The following TSPAN18 variants were observed in gnomAD, a reference collection of about 807,000 sequenced individuals.
The protein encoded by TSPAN18 is tetraspanin-18.
TSPAN18 carries 14 observed loss-of-function variants against 27.3 expected under a neutral mutation model. The ratio of observed to expected loss-of-function variants is 0.51; its 90% CI spans 0.34 to 0.80. The LOEUF is 0.80. Ranked by LOEUF, TSPAN18 falls within the 30% of genes least tolerant of loss-of-function variation. TSPAN18 has a pLI of 0.01. For synonymous variants in TSPAN18, 143 were observed against 136.5 expected, an observed-to-expected ratio of 1.05 and a Z score of -0.33; for missense variants, 268 against 323.9, an observed-to-expected ratio of 0.83 and a Z score of 1.32.
intron 8 of TSPAN18, among the ~76,000 whole-genome samples, chr11:44,924,976 A>C (rs1485294085): frequency 6.6e-6 from 1 of 152,158 alleles, no homozygotes; most frequent in African/African-American, 2.4e-5. Flanking sequence ...GGCCTCACTG[A>C]ATGGAGGGCC....
At chr11:44,748,319 AC>A (rs940755683) in intron 1 of TSPAN18, among the ~76,000 whole-genome samples, 1 of 151,908 alleles carries the variant, frequency 6.6e-6, no homozygotes, top group African/African-American at 2.4e-5. Flanking sequence ...AATTTCCTGA[AC>A]CCCAGAGGCG....
intron 3 of TSPAN18, chr11:44,903,638 G>A: frequency 2.2e-6 from 1 of 456,656 alleles, no homozygotes; most frequent in Non-Finnish European, 4.4e-6. Context: ...CAGGGCTGAG[G>A]CTGGAGATGT....
intron 1 of TSPAN18, among the ~76,000 whole-genome samples, chr11:44,757,879 AT>A (rs1437582359): frequency 5.3e-5 from 8 of 152,068 alleles, no homozygotes; most frequent in African/African-American, 1.9e-4. Context: ...TCTTTGTGAG[AT>A]ATATGATTTG....
intron 3 of TSPAN18, among the ~76,000 whole-genome samples, chr11:44,894,113 G>T (rs933072852): frequency 2.0e-5 from 3 of 152,212 alleles, no homozygotes; most frequent in Non-Finnish European, 4.4e-5. Context: ...GGAACGGGGT[G>T]TGCAGCCTGT....
intron 3 of TSPAN18, among the ~76,000 whole-genome samples, chr11:44,868,118 G>A (rs1474241167): frequency 6.6e-6 from 1 of 152,116 alleles, no homozygotes; most frequent in African/African-American, 2.4e-5. Context: ...GAGGCCGGGT[G>A]CAGCGTGGAT....
chr11:44,924,757 G>A (rs541358513), intron 8 of TSPAN18, among the ~76,000 whole-genome samples: 1 of 150,610 alleles, frequency 6.6e-6, no homozygotes, highest in African/African-American at 2.4e-5. Flanking sequence ...CACATGGGAG[G>A]GGGGAGGGAT....
At chr11:44,783,776 C>T (rs539935686) in intron 2 of TSPAN18, among the ~76,000 whole-genome samples, 1 of 152,312 alleles carries the variant, frequency 6.6e-6, no homozygotes, top group African/African-American at 2.4e-5. Context: ...CGCCCCTCTG[C>T]CCATCAATGT....
intron 2 of TSPAN18, among the ~76,000 whole-genome samples, chr11:44,797,844 C>CGT (rs1856384986): frequency 6.6e-6 from 1 of 152,142 alleles, no homozygotes; most frequent in Non-Finnish European, 1.5e-5. Context: ...AAGTGGGTGA[C>CGT]ATAGAGCACT....
At position 44,929,128 on chromosome 11, in the gene TSPAN18, C is replaced by T; in HGVS notation, c.700-3C>T. ...AGTTCCTGCTCTTTTTCTTTTTTTG[C>T]AGCTTTTCGCCATGATCTTTGCCAT... is the stretch of plus-strand genomic sequence containing the variant. On this transcript the variant is annotated splice_region_variant and splice_polypyrimidine_tract_variant and intron_variant, in intron 9 of 9. Transcript: ENST00000520358. 1.2e-6 allele frequency: 2 copies of T among 1,613,142 alleles called. No individual in the cohort carries two copies. The highest frequency in any genetic ancestry group is 1.7e-6 in the Non-Finnish European group (2 of 1,179,968).
At chr11:44,761,986 T>A (rs1415149653) in intron 1 of TSPAN18, among the ~76,000 whole-genome samples, 2 of 152,192 alleles carry the variant, frequency 1.3e-5, no homozygotes, top group Non-Finnish European at 2.9e-5. Context: ...GGCAGAACCC[T>A]GGGTTCAAGT....
At chr11:44,861,670 G>A (rs1480428000) in intron 3 of TSPAN18, among the ~76,000 whole-genome samples, 1 of 151,878 alleles carries the variant, frequency 6.6e-6, no homozygotes, top group Non-Finnish European at 1.5e-5. Flanking sequence ...AGTCGGGGGC[G>A]ATGAAGCACC....
chr11:44,929,113 C>T lies in TSPAN18; in HGVS notation c.700-18C>T, dbSNP rs11820442. On this transcript the variant is annotated intron_variant, in intron 9 of 9. Coordinates refer to ENST00000520358, the MANE Select transcript of TSPAN18 (RefSeq NM_130783.5). ...CCAGCCTGATAAGCCAGTTCCTGCTCTTTTTCTTTTTTTGCAGCTTTTCGC... is the reference window on the plus strand; with the variant it reads ...CCAGCCTGATAAGCCAGTTCCTGCTTTTTTTCTTTTTTTGCAGCTTTTCGC... 0.012 allele frequency: 18,895 copies of T among 1,613,014 alleles called. 1,786 individuals are homozygous for T. The African/African-American group carries it at 0.21, about 18-fold the overall frequency.
At chr11:44,893,304 AG>A (rs1449571764) in intron 3 of TSPAN18, among the ~76,000 whole-genome samples, 3 of 152,218 alleles carry the variant, frequency 2.0e-5, no homozygotes, top group African/African-American at 7.2e-5. Flanking sequence ...GCTGTCATTT[AG>A]GATCCAATTG....
chr11:44,827,885 T>C (rs969201118), intron 2 of TSPAN18, among the ~76,000 whole-genome samples: 5 of 152,220 alleles, frequency 3.3e-5, no homozygotes, highest in Non-Finnish European at 5.9e-5. Context: ...AGAACTTGGC[T>C]GCCTTCATCC....
intron 2 of TSPAN18, among the ~76,000 whole-genome samples, chr11:44,811,329 C>CTATCTGGAT (rs1260090965): frequency 6.6e-6 from 1 of 152,126 alleles, no homozygotes; most frequent in Admixed American, 6.5e-5. Flanking sequence ...TAGTCAGCAT[C>CTATCTGGAT]TATCTGGATG....
chr11:44,920,035 T>C, intron 8 of TSPAN18, 36 bp downstream of exon 8: 1 of 1,590,258 alleles, frequency 6.3e-7, no homozygotes, highest in Non-Finnish European at 8.6e-7. Flanking sequence ...GGAGTGGGTC[T>C]ATCGGGATTT....
rs1301379254 is a variant in TSPAN18 at position 44,727,249 on chromosome 11, GC to G, written c.-277del. On this transcript the variant is annotated 5_prime_UTR_variant, in exon 1 of 10. Coordinates refer to ENST00000520358, the MANE Select transcript of TSPAN18 (RefSeq NM_130783.5). Reference sequence around the variant, plus strand: ...CAGGAAAGTTTCCCCCCGGCCGCCGGCGGGATTTGGCGCGGGGTCCGGCAGC... The same window carrying G: ...CAGGAAAGTTTCCCCCCGGCCGCCGGGGGATTTGGCGCGGGGTCCGGCAGC... 1.3e-5 allele frequency: 2 copies of G among 151,834 alleles called. No homozygotes were observed. Among genetic ancestry groups the G allele is most frequent in the East Asian group, 3.9e-4 (2 of 5,164 alleles). The allele number at this position is 151,834 out of a possible 1,614,324, so 9.4% of individuals were successfully genotyped here.
In TSPAN18 at chr11:44,756,234, T is replaced by C. The variant is rs555309422; in HGVS notation, c.-239-8192T>C. On this transcript the variant is annotated intron_variant, in intron 1 of 9. Transcript: ENST00000520358. Reference sequence around the variant, plus strand: ...ATATATAAATTATTGTGAAGTCCAATTGTTGTGAATTAAGTGTGTTGTGTG... The same window carrying C: ...ATATATAAATTATTGTGAAGTCCAACTGTTGTGAATTAAGTGTGTTGTGTG... Among the ~76,000 whole-genome samples the C allele has an allele frequency of 1.1e-3, 162 of 151,866 alleles. 1 individual carries two copies. Among genetic ancestry groups the C allele is most frequent in the African/African-American group, 3.6e-3 (148 of 41,408 alleles).
chr11:44,898,032 A>C (rs1859126120), intron 3 of TSPAN18, among the ~76,000 whole-genome samples: 1 of 152,016 alleles, frequency 6.6e-6, no homozygotes, highest in Non-Finnish European at 1.5e-5. Context: ...CCCACTATAC[A>C]TTCATTCATC....
Sources: gnomAD v4.1 joint callset for allele counts (sites outside exome capture counted in the v4.1 genomes callset) on GRCh38, gnomAD v4.1.1 for gene constraint, MANE v1.5 for transcripts, NCBI Gene and HGNC (gene_info 2026-07-23, HGNC 2026-07-21) for gene names.